The following EVC2 variants were observed in gnomAD, a reference collection of about 807,000 sequenced individuals.
EVC2 encodes the protein EvC ciliary complex subunit 2.
Under a neutral mutation model 149.3 loss-of-function variants are expected in EVC2, and 148 were observed. That is an observed-to-expected ratio of 0.99 (90% CI 0.87 to 1.14). The LOEUF (loss-of-function observed/expected upper bound fraction) is 1.14. EVC2 is among the 50% of genes most tolerant of loss of function. The pLI is 0.00. For synonymous variants in EVC2, 776 were observed against 649.9 expected (o/e 1.19, Z -2.95); for missense variants, 1,854 against 1,627.3 (o/e 1.14, Z -2.40).
At chr4:5,570,139 C>T (rs1473291404) in intron 19 of EVC2, among the ~76,000 whole-genome samples, 2 of 152,190 alleles carry the variant, frequency 1.3e-5, no homozygotes, top group African/African-American at 4.8e-5. Flanking sequence ...TCTAGTGTGC[C>T]TCTGGAACTA....
At chr4:5,651,530 G>C (rs1718145895) in intron 9 of EVC2, among the ~76,000 whole-genome samples, 1 of 152,184 alleles carries the variant, frequency 6.6e-6, no homozygotes, top group Non-Finnish European at 1.5e-5. Context: ...ATGAATGACT[G>C]ATAGGTAGGT....
intron 1 of EVC2, among the ~76,000 whole-genome samples, chr4:5,704,258 A>G (rs1234197608): frequency 6.6e-6 from 1 of 152,158 alleles, no homozygotes; most frequent in Non-Finnish European, 1.5e-5. Flanking sequence ...AAGAGAGTGA[A>G]AACTGTGTTG....
At chr4:5,632,155 T>A in intron 10 of EVC2, 123 bp from the exon 11 acceptor site, 7 of 1,300,620 alleles carry the variant, frequency 5.4e-6, no homozygotes, top group Non-Finnish European at 7.4e-6. Context: ...CACAGATGCA[T>A]GCACATATGC....
Position 5,702,897 on chromosome 4 carries a change from A to C in EVC2, c.229-5250T>G, listed in dbSNP as rs369242817. 9.8e-5 allele frequency among the ~76,000 whole-genome samples: 15 copies of C among 152,368 alleles called. No individual in the cohort carries two copies. The South Asian group carries it at 3.1e-3, about 32-fold the overall frequency. The stretch of plus-strand genomic sequence containing the variant: ...ATGGGAATGTTATACCTTCTTCATA[A>C]GGAATTTTGAAAGATTAAACCAGAA... On this transcript the variant is annotated intron_variant, in intron 1 of 21. Coordinates refer to ENST00000344408, the MANE Select transcript of EVC2 (RefSeq NM_147127.5).
At chr4:5,678,329 T>C (rs1322782645) in intron 7 of EVC2, among the ~76,000 whole-genome samples, 1 of 152,198 alleles carries the variant, frequency 6.6e-6, no homozygotes, top group Non-Finnish European at 1.5e-5. Context: ...TAGATAATAC[T>C]TCACATGTGT....
Position 5,622,467 on chromosome 4 carries a change from C to T in EVC2, c.2501+70G>A. 1 of 1,553,610 alleles carries T rather than the reference C, an allele frequency of 6.4e-7. No homozygotes were observed. Among genetic ancestry groups the T allele is most frequent in the African/African-American group, 1.4e-5 (1 of 73,370 alleles). On this transcript the variant is annotated intron_variant, in intron 14 of 21. Coordinates refer to ENST00000344408, the MANE Select transcript of EVC2 (RefSeq NM_147127.5). The surrounding 1 kb of genome is among the most constrained non-coding windows in gnomAD (Gnocchi z 5.8). ...GTCTCATGCTTGGCCATCCCCACAACCACAGGGCAGGAATCTCCCTGGCAT... is the reference window on the plus strand; with the variant it reads ...GTCTCATGCTTGGCCATCCCCACAATCACAGGGCAGGAATCTCCCTGGCAT...
chr4:5,606,165 A>C (rs900263969), intron 16 of EVC2, among the ~76,000 whole-genome samples: 1 of 152,226 alleles, frequency 6.6e-6, no homozygotes, highest in African/African-American at 2.4e-5. Flanking sequence ...AAAACATCTG[A>C]GCTGCTAAGT....
At chr4:5,566,703 T>C (rs1016769959) in intron 20 of EVC2, among the ~76,000 whole-genome samples, 2 of 152,134 alleles carry the variant, frequency 1.3e-5, no homozygotes, top group Admixed American at 1.3e-4. Flanking sequence ...CTCATGCCCA[T>C]GGTGACATTG....
chr4:5,553,623 AT>A (rs1721780871), intron 21 of EVC2, among the ~76,000 whole-genome samples: 1 of 152,120 alleles, frequency 6.6e-6, no homozygotes, highest in African/African-American at 2.4e-5. Context: ...GAGTAATAAA[AT>A]TTTTCAAAAA....
downstream of EVC2, among the ~76,000 whole-genome samples, chr4:5,539,691 CTT>C (rs1031643872): frequency 6.6e-6 from 1 of 152,076 alleles, no homozygotes; most frequent in Non-Finnish European, 1.5e-5. Context: ...AAAAAACAGT[CTT>C]TTCAAAAAAT....
chr4:5,701,915 C>T (rs1410755347), intron 1 of EVC2, among the ~76,000 whole-genome samples: 2 of 152,110 alleles, frequency 1.3e-5, no homozygotes, highest in African/African-American at 2.4e-5. Flanking sequence ...ATCCAGCAAC[C>T]TCTCAGTAGC....
Position 5,640,440 on chromosome 4 carries a change from G to T in EVC2, c.1470+74C>A. ...GGATGGAGGAGGCAAATGGACAGAT[G>T]AGTGGGTAGATGGATAAATGACAAA... On this transcript the variant is annotated intron_variant, in intron 10 of 21. Transcript: ENST00000344408. The surrounding 1 kb of genome is among the most constrained non-coding windows in gnomAD (Gnocchi z 4.6). 2 of 1,572,534 alleles carry T rather than the reference G, an allele frequency of 1.3e-6. No individual in the cohort carries two copies. Among genetic ancestry groups the T allele is most frequent in the Non-Finnish European group, 1.7e-6 (2 of 1,143,066 alleles).
At chr4:5,595,106 C>G (rs924961756) in intron 16 of EVC2, among the ~76,000 whole-genome samples, 1 of 152,148 alleles carries the variant, frequency 6.6e-6, no homozygotes. Flanking sequence ...TGTACGTGAA[C>G]ATGACGGGGA....
At chr4:5,672,448 G>A (rs1035159035) in intron 7 of EVC2, among the ~76,000 whole-genome samples, 1 of 152,186 alleles carries the variant, frequency 6.6e-6, no homozygotes, top group Non-Finnish European at 1.5e-5. Flanking sequence ...ACTTCAGCCT[G>A]GAGGAAGGTA....
chr4:5,579,718 A>G (rs992855099), intron 17 of EVC2, among the ~76,000 whole-genome samples: 1 of 152,126 alleles, frequency 6.6e-6, no homozygotes, highest in Non-Finnish European at 1.5e-5. Context: ...GTGCATGCCT[A>G]TAGTCCCAGC....
chr4:5,590,667 G>A (rs1712710494), intron 16 of EVC2, among the ~76,000 whole-genome samples: 1 of 151,772 alleles, frequency 6.6e-6, no homozygotes, highest in African/African-American at 2.4e-5. Context: ...GCTCAGTGAG[G>A]GTTTTAGTGT....
chr4:5,704,470 C>T (rs1722012720), intron 1 of EVC2, among the ~76,000 whole-genome samples: 1 of 152,020 alleles, frequency 6.6e-6, no homozygotes, highest in South Asian at 2.1e-4. Context: ...TGTGAGCCTC[C>T]ACGGGCCATG....
chr4:5,680,298 G>A (rs960998951), intron 7 of EVC2, among the ~76,000 whole-genome samples: 3 of 152,200 alleles, frequency 2.0e-5, no homozygotes, highest in Admixed American at 2.0e-4. Flanking sequence ...CAAGTATTAT[G>A]TTTTGTACAT....
At chr4:5,689,763 AC>A (rs1261533370) in intron 4 of EVC2, among the ~76,000 whole-genome samples, 1 of 152,104 alleles carries the variant, frequency 6.6e-6, no homozygotes, top group Non-Finnish European at 1.5e-5. Context: ...TCCAGGAAGG[AC>A]CCGAGCTGCT....
Sources: allele counts gnomAD v4.1 joint callset (sites outside exome capture counted in the v4.1 genomes callset), GRCh38; gene constraint gnomAD v4.1.1; non-coding constraint Gnocchi (gnomAD v3.1); transcripts MANE v1.5; gene names NCBI Gene and HGNC (gene_info 2026-07-23, HGNC 2026-07-21).